OR2L13: variants seen among roughly 807,000 people sequenced by gnomAD.
OR2L13 encodes olfactory receptor family 2 subfamily L member 13, also known as olfactory receptor 2L13.
A neutral mutation model predicts 15.3 loss-of-function variants in OR2L13; 14 were observed. The ratio of observed to expected loss-of-function variants is 0.91; its 90% CI spans 0.60 to 1.43. The LOEUF (loss-of-function observed/expected upper bound fraction) is 1.43. OR2L13 is among the 40% of genes most tolerant of loss of function. OR2L13 has a pLI of 0.00. For synonymous variants in OR2L13, 152 were observed against 142.9 expected (o/e 1.06, Z -0.45); for missense variants, 367 against 387.9 (o/e 0.95, Z 0.45).
chr1:248,082,924 A>G, the OR2L13 span, among the ~76,000 whole-genome samples: 1 of 152,202 alleles, frequency 6.6e-6, no homozygotes, highest in Non-Finnish European at 1.5e-5. Flanking sequence ...ATGTGTAGAA[A>G]AGAGAACTTA....
the OR2L13 span, among the ~76,000 whole-genome samples, chr1:247,989,866 A>G: frequency 0.055 from 8,438 of 152,140 alleles, 742 homozygotes; most frequent in African/African-American, 0.19. Flanking sequence ...CCAATGTTGC[A>G]TTACCGTGCC....
At chr1:248,074,956 T>C in the OR2L13 span, among the ~76,000 whole-genome samples, 28 of 152,116 alleles carry the variant, frequency 1.8e-4, no homozygotes, top group African/African-American at 6.8e-4. Flanking sequence ...ATGTGCCATG[T>C]TGGTTTGCTG....
the OR2L13 span, among the ~76,000 whole-genome samples, chr1:247,985,097 T>C: frequency 1.3e-5 from 2 of 152,192 alleles, no homozygotes; most frequent in Non-Finnish European, 2.9e-5. Context: ...CTTACTACAT[T>C]ATTTTTTACT....
At chr1:248,093,835 C>T (rs1487703542), upstream of OR2L13, among the ~76,000 whole-genome samples, 8 of 151,988 alleles carry the variant, frequency 5.3e-5, no homozygotes, top group African/African-American at 1.5e-4. Context: ...GAAAGACAAA[C>T]TTTGAGCATT....
At chr1:247,990,902 G>A in the OR2L13 span, 13 of 1,481,022 alleles carry the variant, frequency 8.8e-6, no homozygotes, top group Non-Finnish European at 1.2e-5. Context: ...CCCTTCATTT[G>A]TATTGCATGT....
At chr1:248,071,361 A>G in the OR2L13 span, among the ~76,000 whole-genome samples, 25 of 152,008 alleles carry the variant, frequency 1.6e-4, no homozygotes, top group Non-Finnish European at 2.2e-4. Flanking sequence ...TATAAACAGA[A>G]CCAAAGACAA....
At chr1:248,086,777 C>A in the OR2L13 span, among the ~76,000 whole-genome samples, 2 of 151,664 alleles carry the variant, frequency 1.3e-5, no homozygotes, top group Non-Finnish European at 2.9e-5. Context: ...AATAGGATAC[C>A]TGGATTTAAA....
At chr1:248,032,404 T>C in the OR2L13 span, among the ~76,000 whole-genome samples, 1 of 152,146 alleles carries the variant, frequency 6.6e-6, no homozygotes, top group Non-Finnish European at 1.5e-5. Context: ...TTCAGGTCTG[T>C]GGCACTAAGT....
chr1:248,038,661 C>A, the OR2L13 span: 2 of 1,614,182 alleles, frequency 1.2e-6, no homozygotes, highest in Non-Finnish European at 1.7e-6. Flanking sequence ...TCTCCACTAT[C>A]CCATCCGTAT....
the OR2L13 span, among the ~76,000 whole-genome samples, chr1:248,066,523 T>G: frequency 6.6e-6 from 1 of 152,210 alleles, no homozygotes; most frequent in African/African-American, 2.4e-5. Context: ...TTAGAGCATT[T>G]TAGGAGAATA....
chr1:248,065,026 C>G, the OR2L13 span, among the ~76,000 whole-genome samples: 4 of 152,192 alleles, frequency 2.6e-5, no homozygotes, highest in African/African-American at 9.7e-5. Context: ...AGAAAGAAGT[C>G]AAATTATCCA....
chr1:248,021,915 G>A, the OR2L13 span: 14 of 1,553,310 alleles, frequency 9.0e-6, no homozygotes, highest in African/African-American at 1.8e-4. Context: ...TTACCCTTGT[G>A]TCTCCCTTCA....
chr1:248,088,601 A>G, the OR2L13 span, among the ~76,000 whole-genome samples: 1 of 152,184 alleles, frequency 6.6e-6, no homozygotes, highest in African/African-American at 2.4e-5. Context: ...ATAAAAAACA[A>G]TCCCTGCAAG....
At chr1:248,000,923 A>C in the OR2L13 span, among the ~76,000 whole-genome samples, 1 of 152,054 alleles carries the variant, frequency 6.6e-6, no homozygotes, top group Non-Finnish European at 1.5e-5. Context: ...TTTTGACTTA[A>C]TAAATTTAAT....
the OR2L13 span, chr1:247,990,479 T>G: frequency 6.3e-7 from 1 of 1,577,490 alleles, no homozygotes; most frequent in Non-Finnish European, 8.7e-7. Context: ...TTGACCTAAA[T>G]TATATTTCCA....
the OR2L13 span, among the ~76,000 whole-genome samples, chr1:248,085,433 AAAT>A: frequency 1.9e-4 from 19 of 99,630 alleles, 1 homozygote; most frequent in African/African-American, 5.5e-4. Flanking sequence ...AAATAAAATA[AAAT>A]AATAAAATAA....
At chr1:248,080,476 G>A in the OR2L13 span, among the ~76,000 whole-genome samples, 2 of 152,220 alleles carry the variant, frequency 1.3e-5, no homozygotes, top group South Asian at 4.2e-4. Flanking sequence ...CCCTCCATGT[G>A]TCCATGTGTC....
At chr1:248,021,113 T>G in the OR2L13 span, among the ~76,000 whole-genome samples, 1 of 152,146 alleles carries the variant, frequency 6.6e-6, no homozygotes, top group East Asian at 1.9e-4. Context: ...GCATTTGTTT[T>G]AAGCATAACA....
At chr1:247,964,101 A>G in the OR2L13 span, among the ~76,000 whole-genome samples, 2,138 of 152,258 alleles carry the variant, frequency 0.014, 21 homozygotes, top group Non-Finnish European at 0.021. Context: ...TACTTTATTT[A>G]TAAGTTCTAA....
Sources: allele counts gnomAD v4.1 joint callset (sites outside exome capture counted in the v4.1 genomes callset), GRCh38; gene constraint gnomAD v4.1.1; transcripts MANE v1.5; gene names NCBI Gene and HGNC (gene_info 2026-07-23, HGNC 2026-07-21).